Variants in RIT2 observed in about 807,000 individuals in gnomAD.
The protein encoded by RIT2 is Ras like without CAAX 2, also known as GTP-binding protein Rit2.
Under a neutral mutation model 23.7 loss-of-function variants are expected in RIT2, and 24 were observed. That is an observed-to-expected ratio of 1.01 (90% CI 0.73 to 1.43). The LOEUF is 1.43. Among genes scored for constraint, RIT2 ranks in the 40% most tolerant of loss-of-function variants. RIT2 has a pLI of 0.00. For synonymous variants in RIT2, 107 were observed against 91.1 expected, an observed-to-expected ratio of 1.17 and a Z score of -0.99; for missense variants, 236 against 266.9, an observed-to-expected ratio of 0.88 and a Z score of 0.81.
At chr18:42,979,884 C>T (rs1387016558) in intron 2 of RIT2, among the ~76,000 whole-genome samples, 1 of 152,026 alleles carries the variant, frequency 6.6e-6, no homozygotes, top group Non-Finnish European at 1.5e-5. Context: ...TTAATGAGTG[C>T]TACATTAGAA....
intron 1 of RIT2, among the ~76,000 whole-genome samples, chr18:43,048,605 T>A (rs1461416578): frequency 6.6e-6 from 1 of 152,202 alleles, no homozygotes; most frequent in African/African-American, 2.4e-5. Flanking sequence ...GAACTTAAAC[T>A]AGTGACCAGA....
intron 4 of RIT2, among the ~76,000 whole-genome samples, chr18:42,841,155 A>G (rs1906757511): frequency 1.3e-5 from 2 of 152,222 alleles, no homozygotes; most frequent in Non-Finnish European, 1.5e-5. Flanking sequence ...ATGTTTCATT[A>G]AATGCTTTTA....
At chr18:42,929,258 A>G (rs576085074) in intron 3 of RIT2, among the ~76,000 whole-genome samples, 15 of 151,878 alleles carry the variant, frequency 9.9e-5, no homozygotes, top group Non-Finnish European at 2.1e-4. Flanking sequence ...AAGGCAATTT[A>G]TCTTCTTGGG....
intron 4 of RIT2, among the ~76,000 whole-genome samples, chr18:42,818,867 T>C (rs1173303250): frequency 6.6e-6 from 1 of 151,996 alleles, no homozygotes; most frequent in African/African-American, 2.4e-5. Context: ...GTAGAAAGAA[T>C]TGAAATGGAG....
chr18:42,873,686 G>A (rs1907676245), intron 4 of RIT2, among the ~76,000 whole-genome samples: 1 of 152,022 alleles, frequency 6.6e-6, no homozygotes, highest in Non-Finnish European at 1.5e-5. Context: ...CTGCCAAACA[G>A]AAGGAATATT....
chr18:42,881,181 C>T (rs1355941752), intron 4 of RIT2, among the ~76,000 whole-genome samples: 1 of 152,164 alleles, frequency 6.6e-6, no homozygotes, highest in Non-Finnish European at 1.5e-5. Context: ...AATGGTAACA[C>T]AACCTACCCA....
chr18:42,835,624 T>G (rs2144015905), intron 4 of RIT2, among the ~76,000 whole-genome samples: 1 of 152,216 alleles, frequency 6.6e-6, no homozygotes, highest in East Asian at 1.9e-4. Flanking sequence ...TACCTCAGAA[T>G]GATGATCTTT....
At position 42,918,697 on chromosome 18, in the gene RIT2, C is replaced by A. The variant is rs142094449; in HGVS notation, c.426+4875G>T. Among the ~76,000 whole-genome samples the A allele has an allele frequency of 9.7e-3, 1,483 of 152,130 alleles. 23 individuals are homozygous for A. The highest frequency in any genetic ancestry group is 0.033 in the African/African-American group (1,361 of 41,486). ...TGATTAAATGTGTCTACAAGGGAGACACTATGAAATTATGCTTAGGACGCT... is the reference window on the plus strand; with the variant it reads ...TGATTAAATGTGTCTACAAGGGAGAAACTATGAAATTATGCTTAGGACGCT... On this transcript the variant is annotated intron_variant, in intron 4 of 4. Coordinates refer to ENST00000326695, the MANE Select transcript of RIT2 (RefSeq NM_002930.4).
intron 2 of RIT2, among the ~76,000 whole-genome samples, chr18:42,979,562 T>C (rs1410504376): frequency 6.6e-6 from 1 of 152,168 alleles, no homozygotes; most frequent in Non-Finnish European, 1.5e-5. Flanking sequence ...AAGGATTACT[T>C]GAATAAATCA....
At chr18:42,961,610 G>T (rs569528031) in intron 3 of RIT2, among the ~76,000 whole-genome samples, 1 of 152,174 alleles carries the variant, frequency 6.6e-6, no homozygotes, top group African/African-American at 2.4e-5. Context: ...AGCTGTGTAG[G>T]TGTAAAATAA....
chr18:42,866,594 G>A (rs548854853), intron 4 of RIT2, among the ~76,000 whole-genome samples: 40 of 150,104 alleles, frequency 2.7e-4, no homozygotes, highest in African/African-American at 6.9e-4. Flanking sequence ...GGTCTTCAGC[G>A]TCATTAACCA....
intron 4 of RIT2, among the ~76,000 whole-genome samples, chr18:42,821,967 G>T (rs1275570913): frequency 1.3e-5 from 2 of 152,166 alleles, no homozygotes; most frequent in East Asian, 3.9e-4. Flanking sequence ...ATGGGAGGAA[G>T]GAGAGGGAGT....
intron 2 of RIT2, among the ~76,000 whole-genome samples, chr18:42,994,310 G>A (rs543661987): frequency 1.1e-4 from 16 of 152,110 alleles, no homozygotes; most frequent in African/African-American, 3.4e-4. Flanking sequence ...TACCTAGCTC[G>A]GCATAATTCT....
intron 4 of RIT2, among the ~76,000 whole-genome samples, chr18:42,820,097 C>A (rs1244404501): frequency 6.6e-6 from 1 of 152,062 alleles, no homozygotes; most frequent in East Asian, 1.9e-4. Context: ...CTTTTTGGAA[C>A]TTCTGGAAAT....
intron 4 of RIT2, among the ~76,000 whole-genome samples, chr18:42,843,922 A>G (rs984748604): frequency 6.6e-6 from 1 of 152,254 alleles, no homozygotes; most frequent in Non-Finnish European, 1.5e-5. Context: ...TTTGAGTAAG[A>G]GAAAATATGT....
chr18:43,039,297 A>C (rs1912068541), intron 1 of RIT2, among the ~76,000 whole-genome samples: 1 of 150,346 alleles, frequency 6.7e-6, no homozygotes, highest in African/African-American at 2.4e-5. Flanking sequence ...ATCCTGCACA[A>C]CCACAGCCTT....
At chr18:42,815,190 A>G (rs1034568435) in intron 4 of RIT2, among the ~76,000 whole-genome samples, 1 of 152,172 alleles carries the variant, frequency 6.6e-6, no homozygotes, top group South Asian at 2.1e-4. Context: ...TTTACCTGAG[A>G]GAGAATTCAG....
intron 2 of RIT2, among the ~76,000 whole-genome samples, chr18:43,019,239 A>G (rs1326381965): frequency 6.6e-6 from 1 of 152,058 alleles, no homozygotes; most frequent in Non-Finnish European, 1.5e-5. Flanking sequence ...AAGCAACAAC[A>G]AAAGTGCAGG....
intron 4 of RIT2, among the ~76,000 whole-genome samples, chr18:42,767,092 C>G (rs1371615637): frequency 3.9e-5 from 6 of 152,332 alleles, no homozygotes; most frequent in African/African-American, 1.4e-4. Context: ...GGAGCCCCCA[C>G]ACAGAGTCCC....
Sources: allele counts gnomAD v4.1 joint callset (sites outside exome capture counted in the v4.1 genomes callset), GRCh38; gene constraint gnomAD v4.1.1; transcripts MANE v1.5; gene names NCBI Gene and HGNC (gene_info 2026-07-23, HGNC 2026-07-21).